ENOX1: variants seen among roughly 807,000 people sequenced by gnomAD.
The protein encoded by ENOX1 is candidate growth-related and time keeping constitutive hydroquinone (NADH) oxidase.
In ENOX1, 42 loss-of-function variants were observed where a neutral mutation model predicts 82.5. The observed-to-expected ratio is 0.51, with a 90% confidence interval of 0.40 to 0.66. The LOEUF (loss-of-function observed/expected upper bound fraction) is 0.66, where lower values mean the gene tolerates loss of function less well. Among genes scored for constraint, ENOX1 ranks in the 30% least tolerant of loss-of-function variants. The pLI, the probability that ENOX1 is intolerant of heterozygous loss-of-function variation, is 0.00. For synonymous variants in ENOX1, 271 were observed against 282.2 expected (o/e 0.96, Z 0.40); for missense variants, 608 against 811.6 (o/e 0.75, Z 3.05).
At chr13:43,648,562 A>C (rs2084006466) in intron 2 of ENOX1, among the ~76,000 whole-genome samples, 1 of 152,224 alleles carries the variant, frequency 6.6e-6, no homozygotes, top group Admixed American at 6.5e-5. Flanking sequence ...CCAGCTAAGC[A>C]AAGGTCCAAG....
At chr13:43,679,625 T>C (rs1594378738) in intron 1 of ENOX1, among the ~76,000 whole-genome samples, 1 of 152,200 alleles carries the variant, frequency 6.6e-6, no homozygotes. Context: ...TGTGGCTACA[T>C]TTCTTCATCT....
intron 2 of ENOX1, among the ~76,000 whole-genome samples, chr13:43,564,106 T>C (rs1176471564): frequency 6.6e-6 from 1 of 152,072 alleles, no homozygotes; most frequent in Admixed American, 6.6e-5. Context: ...TGAATATTGA[T>C]GCAAAAACCC....
chr13:43,696,204 G>A (rs573009768), intron 1 of ENOX1, among the ~76,000 whole-genome samples: 1 of 152,262 alleles, frequency 6.6e-6, no homozygotes, highest in East Asian at 1.9e-4. Flanking sequence ...ATCAGTTGAT[G>A]GACATGTGGG....
intron 9 of ENOX1, among the ~76,000 whole-genome samples, chr13:43,339,710 A>T (rs1249803468): frequency 6.6e-6 from 1 of 152,184 alleles, no homozygotes; most frequent in East Asian, 1.9e-4. Context: ...GAGATCCTTT[A>T]TGTGGAGAGG....
Position 43,616,204 on chromosome 13 carries a change from A to ATATTTTT in ENOX1, c.-219+51274_-219+51275insAAAAATA, listed in dbSNP as rs1457149422. Among the ~76,000 whole-genome samples the ATATTTTT allele has an allele frequency of 3.8e-3, 58 of 15,256 alleles. 3 individuals are homozygous for ATATTTTT. The highest frequency in any genetic ancestry group is 9.3e-3 in the Non-Finnish European group (44 of 4,754). 10.0% of individuals were successfully genotyped at this position (15,256 alleles called of 152,430 possible). On this transcript the variant is annotated intron_variant, in intron 2 of 16. Coordinates refer to ENST00000690772, the MANE Select transcript of ENOX1 (RefSeq NM_001347969.2). ...TATCTATCTATATATATATATATATATTTTTTTTTTTTTTTTAGGACGGAG... is the reference window on the plus strand; with the variant it reads ...TATCTATCTATATATATATATATATATATTTTTTTTTTTTTTTTTTTTTAGGACGGAG...
intron 7 of ENOX1, 110 bp from the exon 8 acceptor site, chr13:43,356,262 C>T (rs555231135): frequency 2.3e-6 from 2 of 860,090 alleles, no homozygotes; most frequent in Non-Finnish European, 1.8e-6. Flanking sequence ...TTGGCTGTCA[C>T]TACGGATACA....
intron 8 of ENOX1, among the ~76,000 whole-genome samples, chr13:43,347,860 T>C (rs2049492433): frequency 6.6e-6 from 1 of 152,316 alleles, no homozygotes; most frequent in East Asian, 1.9e-4. Context: ...ATGTGCTTTT[T>C]CCACTATAAG....
intron 2 of ENOX1, among the ~76,000 whole-genome samples, chr13:43,491,457 G>C (rs2076616415): frequency 6.6e-6 from 1 of 152,060 alleles, no homozygotes. Context: ...AGGCTATAGT[G>C]GTGATAAACA....
At chr13:43,705,953 A>C (rs1328905557) in intron 1 of ENOX1, among the ~76,000 whole-genome samples, 1 of 152,120 alleles carries the variant, frequency 6.6e-6, no homozygotes, top group African/African-American at 2.4e-5. Flanking sequence ...TTTAAAAATC[A>C]GATAGAATAT....
intron 2 of ENOX1, among the ~76,000 whole-genome samples, chr13:43,665,245 C>T (rs1305742227): frequency 6.6e-6 from 1 of 152,150 alleles, no homozygotes; most frequent in Non-Finnish European, 1.5e-5. Context: ...GTAATCCTTT[C>T]CTGGAAGTAA....
At chr13:43,215,014 A>G (rs774659757) in intron 16 of ENOX1, among the ~76,000 whole-genome samples, 14 of 152,256 alleles carry the variant, frequency 9.2e-5, no homozygotes, top group Non-Finnish European at 1.9e-4. Flanking sequence ...AAATGGAAAT[A>G]ACATTTAATA....
At chr13:43,634,791 T>C (rs2083350970) in intron 2 of ENOX1, among the ~76,000 whole-genome samples, 2 of 152,214 alleles carry the variant, frequency 1.3e-5, no homozygotes, top group South Asian at 4.1e-4. Context: ...AGCCAGGTGA[T>C]ATTATAAACA....
At position 43,246,872 on chromosome 13, in the gene ENOX1, C is replaced by T. The variant is rs115405640; in HGVS notation, c.1612-10134G>A. Among the ~76,000 whole-genome samples the T allele has an allele frequency of 9.5e-3, 1,439 of 152,152 alleles. 26 individuals carry two copies. Among genetic ancestry groups the T allele is most frequent in the African/African-American group, 0.033 (1,360 of 41,506 alleles). On this transcript the variant is annotated intron_variant, in intron 14 of 16. Coordinates refer to ENST00000690772, the MANE Select transcript of ENOX1 (RefSeq NM_001347969.2). ...GAGAAAGAAAAGGTGGATAGAGAAG[C>T]CATTCGGAAGGAATGGAAAGAAGCC...
intron 1 of ENOX1, among the ~76,000 whole-genome samples, chr13:43,708,220 G>A (rs1352269609): frequency 6.6e-6 from 1 of 152,200 alleles, no homozygotes; most frequent in Non-Finnish European, 1.5e-5. Flanking sequence ...AATGCCTCAA[G>A]TGAGCATGCG....
chr13:43,638,415 T>C (rs970116490), intron 2 of ENOX1, among the ~76,000 whole-genome samples: 1 of 145,152 alleles, frequency 6.9e-6, no homozygotes, highest in Non-Finnish European at 1.5e-5. Context: ...TTTTTTTTTT[T>C]CCGAAAACTG....
chr13:43,568,478 C>T (rs1593862204), intron 2 of ENOX1, among the ~76,000 whole-genome samples: 2 of 152,212 alleles, frequency 1.3e-5, no homozygotes, highest in Middle Eastern at 6.8e-3. Context: ...ATACTTTAAC[C>T]AACTAGTGTG....
At chr13:43,640,085 T>C in intron 2 of ENOX1, among the ~76,000 whole-genome samples, 1 of 152,348 alleles carries the variant, frequency 6.6e-6, no homozygotes, top group African/African-American at 2.4e-5. Flanking sequence ...ATATAAGAAA[T>C]ACATATTCTG....
At chr13:43,627,778 A>G (rs533518264) in intron 2 of ENOX1, among the ~76,000 whole-genome samples, 1 of 152,092 alleles carries the variant, frequency 6.6e-6, no homozygotes, top group East Asian at 1.9e-4. Context: ...AACTTTTTCA[A>G]ATCGCATTTC....
At chr13:43,424,748 AGTGAGC>A (rs1240130054) in intron 3 of ENOX1, among the ~76,000 whole-genome samples, 1 of 152,076 alleles carries the variant, frequency 6.6e-6, no homozygotes, top group Non-Finnish European at 1.5e-5. Flanking sequence ...CTCTGTAACC[AGTGAGC>A]AAGAACAGTG....
Sources: allele counts gnomAD v4.1 joint callset (sites outside exome capture counted in the v4.1 genomes callset), GRCh38; gene constraint gnomAD v4.1.1; transcripts MANE v1.5; gene names NCBI Gene and HGNC (gene_info 2026-07-23, HGNC 2026-07-21).